P4HTM: variants seen among roughly 807,000 people sequenced by gnomAD.
P4HTM encodes the protein prolyl 4-hydroxylase, transmembrane.
In P4HTM, 33 loss-of-function variants were observed where a neutral mutation model predicts 55.3. The observed-to-expected ratio is 0.60, with a 90% CI of 0.45 to 0.80. The LOEUF is 0.80. Among genes scored for constraint, P4HTM ranks in the 30% least tolerant of loss-of-function variants. The probability of loss-of-function intolerance (pLI) is 0.00; values close to 1 mark genes in which losing one functional copy is unlikely to be tolerated. For synonymous variants in P4HTM, 272 were observed against 286.4 expected, an observed-to-expected ratio of 0.95 and a Z score of 0.51; for missense variants, 542 against 696.5, an observed-to-expected ratio of 0.78 and a Z score of 2.50.
At chr3:49,005,270 G>A in intron 6 of P4HTM, 1 of 1,469,904 alleles carries the variant, frequency 6.8e-7, no homozygotes. Context: ...ACAGACTGAT[G>A]TACCCACAGA....
chr3:49,005,958 A>G, intron 7 of P4HTM, 91 bp downstream of exon 7: 1 of 1,543,738 alleles, frequency 6.5e-7, no homozygotes, highest in Non-Finnish European at 8.8e-7. Context: ...ATGTGGGCCC[A>G]AATTATTCCT....
rs758465351 is a variant in P4HTM, at chr3:49,002,459, A to C, written c.628-41A>C. The C allele has an allele frequency of 1.1e-5, 15 of 1,411,400 alleles. No homozygotes were observed. In the East Asian group the frequency reaches 3.4e-4, roughly 32 times the overall value. The allele number at this position is 1,411,400 out of a possible 1,614,324, so 87.4% of individuals were successfully genotyped here. On this transcript the variant is annotated intron_variant, in intron 3 of 8. Transcript: ENST00000383729. The surrounding 1 kb of genome is among the most constrained non-coding windows in gnomAD (Gnocchi z 4.4). Reference sequence around the variant, plus strand: ...GCCATCTGTTCTCTGCTGGCTCTCCATCACTGGGGTCACCCACTGAGGGAC... The same window carrying C: ...GCCATCTGTTCTCTGCTGGCTCTCCCTCACTGGGGTCACCCACTGAGGGAC...
Position 49,001,613 on chromosome 3 carries a change from C to A in P4HTM, c.612C>A (p.His204Gln). 2 of 1,610,448 alleles carry A rather than the reference C, an allele frequency of 1.2e-6. No individual in the cohort carries two copies. The highest frequency in any genetic ancestry group is 1.7e-6 in the Non-Finnish European group (2 of 1,177,394). Residue 204 changes from histidine (H) to glutamine (Q), a missense_variant, in exon 3 of 9, where the codon CAC becomes CAA. Around this residue, in one of 2 missense-constraint regions of P4HTM, gnomAD observed 536 missense variants for 672.1 expected, o/e 0.80. Transcript: ENST00000383729. Reference sequence around the variant, plus strand: ...TGCTGGACCAGAACCGTGATGGGCACCTTCAGCTCCGTGAGGTTGGAATCC... The same window carrying A: ...TGCTGGACCAGAACCGTGATGGGCAACTTCAGCTCCGTGAGGTTGGAATCC... ...FRLLDQNRDGHLQLREVLAQT... is the reference protein window; with the variant it reads ...FRLLDQNRDGQLQLREVLAQT...
chr3:49,002,546 A>C lies in P4HTM; in HGVS notation c.674A>C (p.Glu225Ala). Residue 225 changes from glutamate (E) to alanine (A), a missense_variant, in exon 4 of 9, where the codon GAG (glutamate) becomes GCG (alanine). Around this residue, in one of 2 missense-constraint regions of P4HTM, gnomAD observed 536 missense variants for 672.1 expected, o/e 0.80. Coordinates refer to ENST00000383729, the MANE Select transcript of P4HTM (RefSeq NM_177939.3). The surrounding 1 kb of genome is among the most constrained non-coding windows in gnomAD (Gnocchi z 4.4). Reference protein sequence around the residue: ...RLGNGWWMTPESIQEMYAAIK... With the variant: ...RLGNGWWMTPASIQEMYAAIK... ...GGAAATGGATGGTGGATGACTCCAG[A>C]GAGCATTCAGGAGATGTACGCCGCG... The C allele has an allele frequency of 6.2e-7, 1 of 1,614,176 alleles. No homozygotes were observed. Among genetic ancestry groups the C allele is most frequent in the Middle Eastern group, 1.6e-4 (1 of 6,062 alleles).
At chr3:48,992,086 T>C (rs952039867) in intron 2 of P4HTM, 1 of 152,214 alleles carries the variant, frequency 6.6e-6, no homozygotes, top group Non-Finnish European at 1.5e-5. Flanking sequence ...TTACTATTAC[T>C]ATTGAGTAAC....
At chr3:49,003,929 A>G in intron 4 of P4HTM, 169 bp from the exon 5 acceptor site, 1 of 613,792 alleles carries the variant, frequency 1.6e-6, no homozygotes, top group Non-Finnish European at 2.8e-6. Context: ...TGTGACAGAA[A>G]CCAGGTTCAT....
At chr3:49,000,381 C>T (rs1205297324) in intron 2 of P4HTM, among the ~76,000 whole-genome samples, 2 of 152,070 alleles carry the variant, frequency 1.3e-5, no homozygotes, top group East Asian at 3.8e-4. Context: ...GAGACTCCAT[C>T]TCTACAAAAA....
intron 2 of P4HTM, among the ~76,000 whole-genome samples, chr3:48,992,888 A>G (rs1003092011): frequency 6.6e-6 from 1 of 151,722 alleles, no homozygotes; most frequent in Admixed American, 6.5e-5. Flanking sequence ...GATGGTCTCA[A>G]TCTCATGACC....
chr3:49,004,753 A>G, intron 5 of P4HTM, 108 bp from the exon 6 acceptor site: 1 of 1,109,602 alleles, frequency 9.0e-7, no homozygotes, highest in Non-Finnish European at 1.3e-6. Flanking sequence ...CTTCCAGGGG[A>G]GGTGGGTAGG....
Position 48,990,340 on chromosome 3 carries a change from C to T in P4HTM, c.84C>T (p.Asp28=). 1 of 1,524,632 alleles carries T rather than the reference C, an allele frequency of 6.6e-7. No individual in the cohort carries two copies. Among genetic ancestry groups the T allele is most frequent in the African/African-American group, 1.4e-5 (1 of 70,770 alleles). 94.4% of individuals were successfully genotyped at this position (1,524,632 alleles called of 1,614,324 possible). A position where few individuals can be genotyped will look rare whatever the true frequency, so the allele number is the denominator to read the frequency against. The change falls in exon 1 of 9, where the codon GAC becomes GAT. Residue 28 remains aspartate, a synonymous_variant. Coordinates refer to ENST00000383729, the MANE Select transcript of P4HTM (RefSeq NM_177939.3). The surrounding 1 kb of genome is among the most constrained non-coding windows in gnomAD (Gnocchi z 7.2). The stretch of plus-strand genomic sequence containing the variant: ...CGAGGCCGCAGTGGGCGCCGCCAGA[C>T]CACTGCCAGGCTCAGGCGGCGGCCG... ...EASRPQWAPP[D]HCQAQAAAGL... is the part of the protein sequence containing the mutation.
At chr3:49,000,955 G>C (rs867564157) in intron 2 of P4HTM, 5 of 208,036 alleles carry the variant, frequency 2.4e-5, no homozygotes, top group Middle Eastern at 2.0e-3. Context: ...CAGGAAATTG[G>C]AGGGGAAGGC....
chr3:49,005,166 TC>T (rs1426425674), intron 6 of P4HTM, 120 bp downstream of exon 6: 1 of 1,604,854 alleles, frequency 6.2e-7, no homozygotes, highest in Admixed American at 1.7e-5. Flanking sequence ...CACTGGGTTA[TC>T]CCGGTTAGTG....
rs564752778 is a variant in P4HTM, at chr3:49,004,615, C to T, written c.888-246C>T. 599 of 580,392 alleles carry T rather than the reference C, an allele frequency of 1.0e-3. 4 individuals carry two copies. Among genetic ancestry groups the T allele is most frequent in the African/African-American group, 9.7e-3 (521 of 53,592 alleles). The allele number at this position is 580,392 out of a possible 1,614,324, so 36.0% of individuals were successfully genotyped here. On this transcript the variant is annotated intron_variant, in intron 5 of 8. Coordinates refer to ENST00000383729, the MANE Select transcript of P4HTM (RefSeq NM_177939.3). Reference sequence around the variant, plus strand: ...GGAGGACCTCAGGACTCCCCGCCCCCTTTATTTAGTGGAAATGTCAACATT... The same window carrying T: ...GGAGGACCTCAGGACTCCCCGCCCCTTTTATTTAGTGGAAATGTCAACATT...
intron 2 of P4HTM, among the ~76,000 whole-genome samples, chr3:48,995,082 T>A (rs574572580): frequency 7.2e-5 from 11 of 152,328 alleles, no homozygotes; most frequent in African/African-American, 1.9e-4. Context: ...ATTACAGACA[T>A]GAGCCACCGT....
intron 5 of P4HTM, 26 bp downstream of exon 5, chr3:49,004,286 G>A: frequency 6.5e-7 from 1 of 1,530,278 alleles, no homozygotes; most frequent in Non-Finnish European, 8.8e-7. Context: ...TGTTCTCACT[G>A]GAGCAGGGGG....
In P4HTM at chr3:49,006,739, G is replaced by A. The variant is rs1432060332; in HGVS notation, c.1341G>A (p.Thr447=). 1 of 1,613,720 alleles carries A rather than the reference G, an allele frequency of 6.2e-7. No individual in the cohort carries two copies. Among genetic ancestry groups the A allele is most frequent in the Non-Finnish European group, 8.5e-7 (1 of 1,180,034 alleles). ...CGCTGCACGGGGGCTGCCTGGTCAC[G>A]CGCGGCACCAAGTGGATTGCCAACA... ...DYSLHGGCLV[T]RGTKWIANNW... is the part of the protein sequence containing the mutation. The change falls in exon 9 of 9, where the codon ACG becomes ACA. Residue 447 remains threonine, a synonymous_variant. Coordinates refer to ENST00000383729, the MANE Select transcript of P4HTM (RefSeq NM_177939.3).
At chr3:48,994,358 C>A (rs1040712760) in intron 2 of P4HTM, among the ~76,000 whole-genome samples, 2 of 152,222 alleles carry the variant, frequency 1.3e-5, no homozygotes, top group South Asian at 4.1e-4. Flanking sequence ...AAGATGTGAG[C>A]TGGGGCAAGG....
intron 2 of P4HTM, among the ~76,000 whole-genome samples, chr3:48,997,004 T>C (rs1411737573): frequency 1.3e-5 from 2 of 152,220 alleles, no homozygotes; most frequent in African/African-American, 2.4e-5. Context: ...GACAGAGGAC[T>C]ACCTGCTCAA....
Position 49,002,870 on chromosome 3 carries a change from C to T in P4HTM, c.724+274C>T. 2.0e-6 allele frequency: 1 copy of T among 511,488 alleles called. No homozygotes were observed. Among genetic ancestry groups the T allele is most frequent in the Admixed American group, 2.8e-5 (1 of 35,152 alleles). The allele number at this position is 511,488 out of a possible 1,614,324, so 31.7% of individuals were successfully genotyped here. ...TCAGGCAGAGTTGAGAGCCTGGGGA[C>T]AGGAAGTAGGGCTGCTAGTTGGCAG... On this transcript the variant is annotated intron_variant, in intron 4 of 8. Transcript: ENST00000383729. This position sits in a 1 kb window ranked among gnomAD's most constrained non-coding sequence, Gnocchi z 4.4.
Sources: gnomAD v4.1 joint callset for allele counts (sites outside exome capture counted in the v4.1 genomes callset) on GRCh38, gnomAD v4.1.1 for gene constraint, gnomAD v4.1.1 regional missense constraint, Gnocchi (gnomAD v3.1) non-coding constraint, MANE v1.5 for transcripts, NCBI Gene and HGNC (gene_info 2026-07-23, HGNC 2026-07-21) for gene names.